The following HERC6 variants were observed in gnomAD, a reference collection of about 807,000 sequenced individuals.
The protein encoded by HERC6 is HECT and RLD domain containing E3 ubiquitin protein ligase family member 6.
Under a neutral mutation model 114.5 loss-of-function variants are expected in HERC6, and 101 were observed. That is an observed-to-expected ratio of 0.88 (90% CI 0.75 to 1.04). The LOEUF (loss-of-function observed/expected upper bound fraction) is 1.04. HERC6 is among the 50% of genes least tolerant of loss of function. HERC6 has a pLI of 0.00. For missense variants in HERC6, 1,133 were observed against 1,230.9 expected (o/e 0.92, Z 1.19); for synonymous variants, 408 against 436.2 (o/e 0.94, Z 0.81).
intron 12 of HERC6, among the ~76,000 whole-genome samples, chr4:88,414,394 G>C (rs1736308827): frequency 6.6e-6 from 1 of 151,962 alleles, no homozygotes; most frequent in South Asian, 2.1e-4. Flanking sequence ...AGGATCACTT[G>C]AGCCCAGGAG....
At chr4:88,391,435 A>C (rs72879341) in intron 4 of HERC6, among the ~76,000 whole-genome samples, 1 of 152,124 alleles carries the variant, frequency 6.6e-6, no homozygotes, top group South Asian at 2.1e-4. Flanking sequence ...CGGTTTCCGT[A>C]ACTTCACTCT....
chr4:88,442,048 A>ACCATGAAC (rs1284443665), intron 22 of HERC6, among the ~76,000 whole-genome samples, 186 bp from the exon 23 acceptor site: 1 of 152,140 alleles, frequency 6.6e-6, no homozygotes, highest in Non-Finnish European at 1.5e-5. Context: ...CCCCAACTAC[A>ACCATGAAC]CCATGAACTC....
Position 88,442,365 on chromosome 4 carries a change from C to A in HERC6, c.2974C>A (p.Pro992Thr). ...AACTTGTCATAATATTCTCTCCCTC[C>A]CTAAGTATTCTACAATGGAAAGAAT... ...SITCHNILSLPKYSTMERMEE... is the reference protein window; with the variant it reads ...SITCHNILSLTKYSTMERMEE... The change falls in exon 23 of 23, where the codon CCT becomes ACT. Residue 992 changes from proline (P) to threonine (T), a missense_variant. Coordinates refer to ENST00000264346, the MANE Select transcript of HERC6 (RefSeq NM_017912.4). 1 of 1,613,834 alleles carries A rather than the reference C, an allele frequency of 6.2e-7. No individual in the cohort carries two copies. Among genetic ancestry groups the A allele is most frequent in the Admixed American group, 1.7e-5 (1 of 59,986 alleles).
At chr4:88,430,986 A>C (rs1738139579) in intron 16 of HERC6, among the ~76,000 whole-genome samples, 176 bp from the exon 17 acceptor site, 1 of 152,228 alleles carries the variant, frequency 6.6e-6, no homozygotes, top group Admixed American at 6.5e-5. Context: ...AAATAGATTC[A>C]TGGCCTTCAC....
At position 88,435,812 on chromosome 4, in the gene HERC6, C is replaced by T. The variant is rs760656236; in HGVS notation, c.2338C>T (p.Pro780Ser). The T allele has an allele frequency of 1.9e-6, 3 of 1,612,034 alleles. No homozygotes were observed. The highest frequency in any genetic ancestry group is 1.3e-5 in the African/African-American group (1 of 74,788). The change falls in exon 18 of 23, where the codon CCA becomes TCA. Residue 780 changes from proline to serine, a missense_variant. By Grantham distance (74) the Pro-to-Ser change is moderately conservative. Coordinates refer to ENST00000264346, the MANE Select transcript of HERC6 (RefSeq NM_017912.4). ...TTTAAATGTTGCTAACCTTCCTTTC[C>T]CACTGGCTCTGTATAAAAAACTTCT... Reference protein sequence around the residue: ...FNLNVANLPFPLALYKKLLDQ... With the variant: ...FNLNVANLPFSLALYKKLLDQ...
Position 88,413,163 on chromosome 4 carries a change from C to G in HERC6, c.1455C>G (p.Leu485=). ...AAGCTTTATCAGTTTTCCTCCTGCT[C>G]CCAGAATGTCCTGTGATGCATGATT... is the stretch of plus-strand genomic sequence containing the variant. ...HQEALSVFLL[L]PECPVMHDSK... Residue 485 remains leucine, a synonymous_variant, in exon 12 of 23, where the codon CTC becomes CTG. Coordinates refer to ENST00000264346, the MANE Select transcript of HERC6 (RefSeq NM_017912.4). 1 of 1,613,530 alleles carries G rather than the reference C, an allele frequency of 6.2e-7. No homozygotes were observed. Among genetic ancestry groups the G allele is most frequent in the South Asian group, 1.1e-5 (1 of 91,056 alleles).
At position 88,383,251 on chromosome 4, in the gene HERC6, T is replaced by C; in HGVS notation, c.230T>C (p.Val77Ala). Residue 77 changes from valine to alanine, a missense_variant, in exon 2 of 23, where the codon GTT becomes GCT. Physicochemically the swap from Val to Ala is moderately conservative, Grantham distance 64. Transcript: ENST00000264346. ...ATTCAGGCATTGGAAACCCTAATTGTTGATCTCGTGAGCTGCGGGAAGGAG... is the reference window on the plus strand; with the variant it reads ...ATTCAGGCATTGGAAACCCTAATTGCTGATCTCGTGAGCTGCGGGAAGGAG... Reference protein sequence around the residue: ...EPIQALETLIVDLVSCGKEHS... With the variant: ...EPIQALETLIADLVSCGKEHS... 1 of 1,610,118 alleles carries C rather than the reference T, an allele frequency of 6.2e-7. No homozygotes were observed. The highest frequency in any genetic ancestry group is 8.5e-7 in the Non-Finnish European group (1 of 1,178,262).
At chr4:88,405,036 G>T in intron 9 of HERC6, 39 bp downstream of exon 9, 2 of 1,594,278 alleles carry the variant, frequency 1.3e-6, no homozygotes, top group South Asian at 1.1e-5. Flanking sequence ...CTTTTATCTG[G>T]TTCTGGGGCT....
chr4:88,414,138 G>A (rs1434442716), intron 12 of HERC6, among the ~76,000 whole-genome samples: 3 of 152,078 alleles, frequency 2.0e-5, no homozygotes, highest in Non-Finnish European at 4.4e-5. Flanking sequence ...ATACCAGGGT[G>A]CCATATTTTG....
intron 15 of HERC6, among the ~76,000 whole-genome samples, chr4:88,424,975 G>A (rs1315937659): frequency 6.6e-6 from 1 of 152,096 alleles, no homozygotes; most frequent in African/African-American, 2.4e-5. Context: ...GGTTCAAGTG[G>A]CAACCACATG....
At position 88,380,372 on chromosome 4, in the gene HERC6, AATAT is replaced by A. The variant is rs1170792418; in HGVS notation, c.199+1262_199+1265del. Among the ~76,000 whole-genome samples, 5 of 16,352 alleles carry A rather than the reference AATAT, an allele frequency of 3.1e-4. No homozygotes were observed. The South Asian group carries it at 5.6e-3, about 18-fold the overall frequency. 10.7% of individuals were successfully genotyped at this position (16,352 alleles called of 152,430 possible). A position where few individuals can be genotyped will look rare whatever the true frequency, so the allele number is the denominator to read the frequency against. ...AATATAAATATATATATAATATATA[AATAT>A]ATATATATAATATATAAATATATAT... On this transcript the variant is annotated intron_variant, in intron 1 of 22. Coordinates refer to ENST00000264346, the MANE Select transcript of HERC6 (RefSeq NM_017912.4).
At position 88,397,005 on chromosome 4, in the gene HERC6, T is replaced by C; in HGVS notation, c.1024+18T>C. ...TGCTGAAGGTGTGAATCCCACTAAT[T>C]CATGATTTTGTGTTCATCAATGCCA... On this transcript the variant is annotated intron_variant, in intron 7 of 22. Transcript: ENST00000264346. The C allele has an allele frequency of 6.2e-7, 1 of 1,603,178 alleles. No homozygotes were observed. The highest frequency in any genetic ancestry group is 8.5e-7 in the Non-Finnish European group (1 of 1,173,572).
At chr4:88,414,439 C>G (rs1419875890) in intron 12 of HERC6, among the ~76,000 whole-genome samples, 2 of 152,056 alleles carry the variant, frequency 1.3e-5, no homozygotes, top group Admixed American at 6.6e-5. Context: ...GGTCCCAATC[C>G]AGATCCCAAA....
At position 88,404,882 on chromosome 4, in the gene HERC6, A is replaced by G. The variant is rs779489005; in HGVS notation, c.1099A>G (p.Ser367Gly). ...GTTTCTTCCTTCCCTGAAGGATACT[A>G]GTTCCACACGTGCTCCCGGGAAAAC... ...ANFVTTHQDT[S>G]STRAPGKTLP... The change falls in exon 9 of 23, where the codon AGT becomes GGT. Residue 367 changes from serine to glycine, a missense_variant. Physicochemically the swap from Ser to Gly is moderately conservative, Grantham distance 56. Coordinates refer to ENST00000264346, the MANE Select transcript of HERC6 (RefSeq NM_017912.4). The G allele has an allele frequency of 6.2e-7, 1 of 1,613,520 alleles. No homozygotes were observed. The highest frequency in any genetic ancestry group is 1.3e-5 in the African/African-American group (1 of 75,042).
At chr4:88,429,374 G>T (rs1034354092) in intron 16 of HERC6, among the ~76,000 whole-genome samples, 1 of 152,156 alleles carries the variant, frequency 6.6e-6, no homozygotes, top group Non-Finnish European at 1.5e-5. Context: ...GATCACAGAG[G>T]GGTGAAGAAT....
chr4:88,417,355 C>A, intron 12 of HERC6, 70 bp from the exon 13 acceptor site: 10 of 1,363,538 alleles, frequency 7.3e-6, no homozygotes, highest in Non-Finnish European at 9.1e-6. Context: ...CATTAAAGAA[C>A]CCACTAGAAA....
In HERC6 at chr4:88,389,829, G is replaced by A. The variant is rs145679789; in HGVS notation, c.437-823G>A. Among the ~76,000 whole-genome samples, 288 of 152,246 alleles carry A rather than the reference G, an allele frequency of 1.9e-3. 2 individuals are homozygous for A. Among genetic ancestry groups the A allele is most frequent in the African/African-American group, 6.5e-3 (268 of 41,536 alleles). ...GAAGACATCATGCTAAGTGAAATAAGCCAGACACAGAAAGACAAATACCTC... is the reference window on the plus strand; with the variant it reads ...GAAGACATCATGCTAAGTGAAATAAACCAGACACAGAAAGACAAATACCTC... On this transcript the variant is annotated intron_variant, in intron 3 of 22. Coordinates refer to ENST00000264346, the MANE Select transcript of HERC6 (RefSeq NM_017912.4).
At chr4:88,417,371 A>AT (rs1736585419) in intron 12 of HERC6, 54 bp from the exon 13 acceptor site, 7 of 1,525,464 alleles carry the variant, frequency 4.6e-6, no homozygotes, top group Non-Finnish European at 6.3e-6. Flanking sequence ...AGAAACAGAG[A>AT]TTTGGGGGGT....
chr4:88,408,019 T>C (rs1290155411), intron 10 of HERC6, among the ~76,000 whole-genome samples: 2 of 152,348 alleles, frequency 1.3e-5, no homozygotes, highest in African/African-American at 2.4e-5. Context: ...TCAAAGAATC[T>C]ATGGGCACAA....
Sources: allele counts gnomAD v4.1 joint callset (sites outside exome capture counted in the v4.1 genomes callset), GRCh38; gene constraint gnomAD v4.1.1; transcripts MANE v1.5; gene names NCBI Gene and HGNC (gene_info 2026-07-23, HGNC 2026-07-21).